Variants in TP53BP1 observed in about 807,000 individuals in gnomAD.
TP53BP1 encodes the protein tumor protein p53 binding protein 1.
A neutral mutation model predicts 200.8 loss-of-function variants in TP53BP1; 61 were observed. The ratio of observed to expected loss-of-function variants is 0.30; its 90% CI spans 0.25 to 0.38. TP53BP1 has a LOEUF of 0.38. TP53BP1 is among the 10% of genes least tolerant of loss of function. The pLI, the probability that TP53BP1 is intolerant of heterozygous loss-of-function variation, is 1.00. For missense variants in TP53BP1, 2,144 were observed against 2,371.9 expected, an observed-to-expected ratio of 0.90 and a Z score of 2.00; for synonymous variants, 822 against 844.3, an observed-to-expected ratio of 0.97 and a Z score of 0.46.
Position 43,493,151 on chromosome 15 carries a change from G to C in TP53BP1, c.-108C>G. 2 of 1,564,434 alleles carry C rather than the reference G, an allele frequency of 1.3e-6. No individual in the cohort carries two copies. Among genetic ancestry groups the C allele is most frequent in the South Asian group, 1.2e-5 (1 of 86,472 alleles). On this transcript the variant is annotated 5_prime_UTR_variant, in exon 1 of 28. Transcript: ENST00000382044. ...TGTCGCCACCGCCGCCACCGGCCGC[G>C]AACTCCCCCTTTCCCGTCACGTCAC... is the stretch of plus-strand genomic sequence containing the variant.
In TP53BP1 at chr15:43,407,709, C is replaced by A. The variant is rs2044957318; in HGVS notation, c.5747-139G>T. On this transcript the variant is annotated intron_variant, in intron 27 of 27. Coordinates refer to ENST00000382044, the MANE Select transcript of TP53BP1 (RefSeq NM_001141980.3). The stretch of plus-strand genomic sequence containing the variant: ...TTATGTCAAACACACTGCTACTGAT[C>A]ATGACCAAAGGCAGAGTTATAATCA... 3 of 873,396 alleles carry A rather than the reference C, an allele frequency of 3.4e-6. No homozygotes were observed. In the East Asian group the frequency reaches 8.0e-5, roughly 23 times the overall value. 54.1% of individuals were successfully genotyped at this position (873,396 alleles called of 1,614,324 possible).
intron 18 of TP53BP1, among the ~76,000 whole-genome samples, chr15:43,422,746 C>A (rs537283082): frequency 6.6e-6 from 1 of 152,152 alleles, no homozygotes; most frequent in Admixed American, 6.5e-5. Context: ...GTAATCCCAG[C>A]ACTTTGGGAG....
chr15:43,505,357 C>T (rs1318769896), intron 1 of TP53BP1, among the ~76,000 whole-genome samples: 1 of 152,108 alleles, frequency 6.6e-6, no homozygotes, highest in African/African-American at 2.4e-5. Context: ...AAAGAAAATC[C>T]TTAAGAGATC....
Position 43,456,433 on chromosome 15 carries a change from G to A in TP53BP1, c.2175C>T (p.Thr725=). ...KECSEAMEVE[T]SVISIDSPQK... ...GAGGGGAATCAATACTAATCACACTGGTTTCAACTTCCATAGCTTCTGAGC... is the reference window on the plus strand; with the variant it reads ...GAGGGGAATCAATACTAATCACACTAGTTTCAACTTCCATAGCTTCTGAGC... The change falls in exon 12 of 28, where the codon ACC becomes ACT. Residue 725 remains threonine, a synonymous_variant. Coordinates refer to ENST00000382044, the MANE Select transcript of TP53BP1 (RefSeq NM_001141980.3). The A allele has an allele frequency of 1.3e-6, 2 of 1,577,652 alleles. No homozygotes were observed. The highest frequency in any genetic ancestry group is 2.2e-5 in the East Asian group (1 of 44,746).
chr15:43,447,046 T>A, intron 13 of TP53BP1: 1 of 479,376 alleles, frequency 2.1e-6, no homozygotes, highest in Non-Finnish European at 4.1e-6. Context: ...ACTTCTACCT[T>A]ACTTCCTGTT....
At chr15:43,494,556 G>C (rs572846716), upstream of TP53BP1, among the ~76,000 whole-genome samples, 2 of 152,300 alleles carry the variant, frequency 1.3e-5, no homozygotes, top group African/African-American at 4.8e-5. Flanking sequence ...ACCACACAGA[G>C]ATGCATCTCA....
chr15:43,479,609 A>T, intron 6 of TP53BP1, 83 bp from the exon 7 acceptor site: 1 of 1,447,368 alleles, frequency 6.9e-7, no homozygotes, highest in Non-Finnish European at 9.3e-7. Context: ...TTTAAAAAGC[A>T]AAGATTTTAA....
intron 8 of TP53BP1, among the ~76,000 whole-genome samples, chr15:43,476,442 CAT>C (rs1174966663): frequency 2.0e-5 from 3 of 152,152 alleles, no homozygotes; most frequent in Admixed American, 1.3e-4. Flanking sequence ...AAAAAATGCA[CAT>C]GACACTTGAT....
chr15:43,455,811 C>T (rs2046279322), intron 12 of TP53BP1, 81 bp downstream of exon 12: 2 of 1,500,414 alleles, frequency 1.3e-6, no homozygotes, highest in African/African-American at 2.8e-5. Flanking sequence ...TCACTCCTGA[C>T]ATAAGCATGC....
At chr15:43,453,235 A>G (rs894221053) in intron 12 of TP53BP1, among the ~76,000 whole-genome samples, 1 of 150,740 alleles carries the variant, frequency 6.6e-6, no homozygotes, top group African/African-American at 2.4e-5. Context: ...CAAAATAACT[A>G]TATTAAAACA....
chr15:43,476,379 C>T (rs780710179), intron 8 of TP53BP1, among the ~76,000 whole-genome samples: 2 of 152,202 alleles, frequency 1.3e-5, no homozygotes, highest in East Asian at 1.9e-4. Context: ...TTTATTCCAA[C>T]GTCTACCTTA....
intron 21 of TP53BP1, 121 bp downstream of exon 21, chr15:43,420,184 A>C (rs952078204): frequency 1.3e-5 from 13 of 985,070 alleles, no homozygotes; most frequent in East Asian, 2.4e-5. Flanking sequence ...GTAGGAATGA[A>C]ATTTCTGACT....
intron 10 of TP53BP1, among the ~76,000 whole-genome samples, chr15:43,474,154 GGCCGGCCGGCT>G (rs1456289822): frequency 6.6e-6 from 1 of 152,170 alleles, no homozygotes; most frequent in Non-Finnish European, 1.5e-5. Context: ...GGGCCGGCAG[GGCCGGCCGGCT>G]GCTCCGAGTG....
intron 15 of TP53BP1, among the ~76,000 whole-genome samples, chr15:43,438,832 CTT>C (rs1341768051): frequency 2.1e-5 from 3 of 145,854 alleles, no homozygotes; most frequent in Non-Finnish European, 4.5e-5. Context: ...TTATTTAGAT[CTT>C]GAGTCAAACT....
intron 4 of TP53BP1, among the ~76,000 whole-genome samples, chr15:43,483,852 T>C (rs1444683267): frequency 6.6e-6 from 1 of 152,238 alleles, no homozygotes; most frequent in Admixed American, 6.5e-5. Flanking sequence ...TTTTACCTCA[T>C]GTCCCTGATC....
chr15:43,474,935 T>A (rs1345660000), intron 9 of TP53BP1, among the ~76,000 whole-genome samples, 168 bp from the exon 10 acceptor site: 1 of 152,170 alleles, frequency 6.6e-6, no homozygotes, highest in African/African-American at 2.4e-5. Flanking sequence ...CCAAAAATAC[T>A]TCAATAACTA....
At chr15:43,481,125 T>G (rs1001235790) in intron 4 of TP53BP1, 103 bp from the exon 5 acceptor site, 7 of 1,381,628 alleles carry the variant, frequency 5.1e-6, no homozygotes, top group Non-Finnish European at 6.0e-6. Flanking sequence ...TTAGCCAAAC[T>G]TGAAAAAGTA....
At chr15:43,447,146 C>A (rs984020700) in intron 13 of TP53BP1, 15 of 542,146 alleles carry the variant, frequency 2.8e-5, no homozygotes, top group Admixed American at 6.8e-5. Flanking sequence ...TAAGTATTCT[C>A]TTTCTTTCTT....
At chr15:43,427,964 A>C in intron 18 of TP53BP1, 52 bp downstream of exon 18, 1 of 1,389,334 alleles carries the variant, frequency 7.2e-7, no homozygotes, top group Non-Finnish European at 9.7e-7. Flanking sequence ...CTCCAAAAAA[A>C]AAAAAAAAAG....
Sources: allele counts gnomAD v4.1 joint callset (sites outside exome capture counted in the v4.1 genomes callset), GRCh38; gene constraint gnomAD v4.1.1; transcripts MANE v1.5; gene names NCBI Gene and HGNC (gene_info 2026-07-23, HGNC 2026-07-21).